SLC25A14: variants seen among roughly 807,000 people sequenced by gnomAD.
SLC25A14 encodes solute carrier family 25 member 14.
In SLC25A14, 8 loss-of-function variants were observed where a neutral mutation model predicts 28.1. The ratio of observed to expected loss-of-function variants is 0.28; its 90% CI spans 0.17 to 0.51. The LOEUF (loss-of-function observed/expected upper bound fraction) is 0.51. SLC25A14 is among the 20% of genes least tolerant of loss of function. SLC25A14 has a pLI of 0.97. For synonymous variants in SLC25A14, 74 were observed against 90.6 expected (o/e 0.82, Z 1.04); for missense variants, 135 against 263.8 (o/e 0.51, Z 3.38).
chrX:130,369,017 C>T (rs1302708417), intron 9 of SLC25A14, among the ~76,000 whole-genome samples: 1 of 112,576 alleles, frequency 8.9e-6, no homozygotes, highest in East Asian at 2.8e-4. Context: ...TAGCATCAGA[C>T]TTTATTATTT....
intron 6 of SLC25A14, among the ~76,000 whole-genome samples, chrX:130,354,332 G>C (rs960166072): frequency 8.1e-5 from 9 of 110,725 alleles, no homozygotes; most frequent in Non-Finnish European, 1.3e-4. Context: ...CCAGGATGGT[G>C]TCGATTTCCT....
At chrX:130,362,960 T>A (rs1319861668) in intron 7 of SLC25A14, among the ~76,000 whole-genome samples, 3 of 112,468 alleles carry the variant, frequency 2.7e-5, no homozygotes, top group Non-Finnish European at 5.6e-5. Context: ...AGCTCTCTTC[T>A]CCCCACTGAT....
intron 2 of SLC25A14, among the ~76,000 whole-genome samples, chrX:130,341,845 A>G (rs1371720050): frequency 8.9e-6 from 1 of 112,288 alleles, no homozygotes; most frequent in African/African-American, 3.2e-5. Context: ...TACATAAGTA[A>G]TTCCTTGGAA....
intron 6 of SLC25A14, among the ~76,000 whole-genome samples, chrX:130,357,325 A>G (rs960270315): frequency 2.7e-5 from 3 of 112,144 alleles, no homozygotes; most frequent in African/African-American, 9.7e-5. Context: ...GTTAAATTTG[A>G]TATTTGATTC....
intron 7 of SLC25A14, among the ~76,000 whole-genome samples, chrX:130,360,461 C>T (rs1453885989): frequency 9.0e-6 from 1 of 111,237 alleles, no homozygotes; most frequent in Admixed American, 9.6e-5. Flanking sequence ...TCCACCAGAT[C>T]TCGCCATTGT....
intron 6 of SLC25A14, among the ~76,000 whole-genome samples, chrX:130,358,281 AGTT>A (rs1266535739): frequency 9.0e-6 from 1 of 111,652 alleles, no homozygotes; most frequent in Non-Finnish European, 1.9e-5. Context: ...CAACCTGTGT[AGTT>A]GTTTTTGGAT....
At chrX:130,363,881 A>G (rs892398741) in intron 7 of SLC25A14, among the ~76,000 whole-genome samples, 6 of 111,034 alleles carry the variant, frequency 5.4e-5, no homozygotes, top group African/African-American at 2.0e-4. Flanking sequence ...CTACAGGCAC[A>G]TGCCACCATG....
At position 130,349,247 on chromosome X, in the gene SLC25A14, TC is replaced by T; in HGVS notation, c.318-3del. On this transcript the variant is annotated splice_region_variant and splice_polypyrimidine_tract_variant and intron_variant, in intron 4 of 10. Transcript: ENST00000545805. ...GAATAACTTTTTACTTTTTTTTTTT[TC>T]AGAATTGCTCCTGCGTTGCTAAGAC... 1 of 1,155,669 alleles carries T rather than the reference TC, an allele frequency of 8.7e-7. No homozygotes were observed. Among genetic ancestry groups the T allele is most frequent in the Non-Finnish European group, 1.2e-6 (1 of 856,563 alleles).
Position 130,350,719 on chromosome X carries a change from C to T in SLC25A14, c.486C>T (p.Thr162=), listed in dbSNP as rs145386095. 3,436 of 1,138,381 alleles carry T rather than the reference C, an allele frequency of 3.0e-3. 3 individuals are homozygous for T. The highest frequency in any genetic ancestry group is 3.7e-3 in the Non-Finnish European group (3,088 of 834,642). 93.8% of individuals were successfully genotyped at this position (1,138,381 alleles called of 1,213,427 possible). The change falls in exon 6 of 11, where the codon ACC becomes ACT. Residue 162 remains threonine (T), a synonymous_variant. Transcript: ENST00000545805. ...GVISSTIANP[T]DVLKIRMQAQ... ...TATCTTCCACTATAGCCAATCCCAC[C>T]GATGTTCTAAAGGTAAGAGAGATAC... is the stretch of plus-strand genomic sequence containing the variant.
At chrX:130,368,605 A>G (rs1463469746) in intron 9 of SLC25A14, among the ~76,000 whole-genome samples, 5 of 112,845 alleles carry the variant, frequency 4.4e-5, no homozygotes. Flanking sequence ...AAGATTTACT[A>G]TACAATAATA....
At chrX:130,360,929 A>C (rs1207085287) in intron 7 of SLC25A14, among the ~76,000 whole-genome samples, 1 of 110,202 alleles carries the variant, frequency 9.1e-6, no homozygotes, top group Non-Finnish European at 1.9e-5. Flanking sequence ...CCATGAAGCA[A>C]CTCCCCATTT....
At chrX:130,372,476 T>A (rs776850838) in intron 10 of SLC25A14, among the ~76,000 whole-genome samples, 26 of 108,942 alleles carry the variant, frequency 2.4e-4, no homozygotes, top group South Asian at 8.0e-4. Context: ...TTTATTTTTT[T>A]TTTTGAGATG....
intron 9 of SLC25A14, among the ~76,000 whole-genome samples, chrX:130,368,219 T>C (rs1173066816): frequency 8.9e-6 from 1 of 112,731 alleles, no homozygotes; most frequent in African/African-American, 3.2e-5. Flanking sequence ...TAATGTCACA[T>C]GCAATAGCGA....
chrX:130,372,307 C>CGTGT (rs1180594033), intron 10 of SLC25A14, among the ~76,000 whole-genome samples: 1 of 110,321 alleles, frequency 9.1e-6, no homozygotes, highest in Non-Finnish European at 1.9e-5. Flanking sequence ...TGTGTGTGTG[C>CGTGT]GTGTGTGCGT....
chrX:130,357,366 A>G (rs988626234), intron 6 of SLC25A14, among the ~76,000 whole-genome samples: 6 of 111,614 alleles, frequency 5.4e-5, no homozygotes, highest in African/African-American at 1.6e-4. Context: ...AATTTTGGTT[A>G]AAAAATATCA....
At chrX:130,369,032 T>C (rs2034197491) in intron 9 of SLC25A14, among the ~76,000 whole-genome samples, 3 of 112,742 alleles carry the variant, frequency 2.7e-5, no homozygotes, top group East Asian at 2.7e-4. Context: ...TTATTTTGTC[T>C]ATGCTTATCT....
chrX:130,359,948 A>G (rs954490377), intron 7 of SLC25A14, among the ~76,000 whole-genome samples: 4 of 111,678 alleles, frequency 3.6e-5, no homozygotes, highest in Non-Finnish European at 7.5e-5. Flanking sequence ...TCTACATAAT[A>G]ATAATACCAT....
At chrX:130,349,441 G>T in intron 5 of SLC25A14, 96 bp downstream of exon 5, 1 of 478,248 alleles carries the variant, frequency 2.1e-6, no homozygotes, top group Non-Finnish European at 3.6e-6. Flanking sequence ...TGAGAATGGA[G>T]GAGAGTCACT....
Position 130,345,284 on chromosome X carries a change from G to A in SLC25A14, c.169+9G>A, listed in dbSNP as rs746333866. 93 of 1,092,777 alleles carry A rather than the reference G, an allele frequency of 8.5e-5. No homozygotes were observed. The Admixed American group carries it at 2.0e-3, about 23-fold the overall frequency. The allele number at this position is 1,092,777 out of a possible 1,213,427, so 90.1% of individuals were successfully genotyped here. ...TATCGTGGCTGAGTTTGGTAAGAAT[G>A]TGAGAAATGACAAATCTGCATTATA... On this transcript the variant is annotated intron_variant, in intron 3 of 10. Transcript: ENST00000545805.
Sources: allele counts gnomAD v4.1 joint callset (sites outside exome capture counted in the v4.1 genomes callset), GRCh38; gene constraint gnomAD v4.1.1; transcripts MANE v1.5; gene names NCBI Gene and HGNC (gene_info 2026-07-23, HGNC 2026-07-21).